The following RUNX1 variants were observed in gnomAD, a reference collection of about 807,000 sequenced individuals.
The protein encoded by RUNX1 is RUNX family transcription factor 1, also known as runt-related transcription factor 1.
Under a neutral mutation model 42.8 loss-of-function variants are expected in RUNX1, and 19 were observed. The observed-to-expected ratio is 0.44, with a 90% confidence interval of 0.31 to 0.65. The LOEUF (loss-of-function observed/expected upper bound fraction) is 0.65, where lower values mean the gene tolerates loss of function less well. RUNX1 is among the 30% of genes least tolerant of loss of function. The pLI is 0.07. For synonymous variants in RUNX1, 271 were observed against 289.4 expected (o/e 0.94, Z 0.64); for missense variants, 528 against 672.0 (o/e 0.79, Z 2.37).
intron 2 of RUNX1, among the ~76,000 whole-genome samples, chr21:34,966,279 T>C (rs2058717732): frequency 6.6e-6 from 1 of 152,196 alleles, no homozygotes; most frequent in African/African-American, 2.4e-5. Flanking sequence ...ATAATTAAAA[T>C]AATAATAAAT....
intron 7 of RUNX1, among the ~76,000 whole-genome samples, chr21:34,802,266 T>G (rs1344984476): frequency 6.6e-6 from 1 of 152,238 alleles, no homozygotes; most frequent in Admixed American, 6.5e-5. Flanking sequence ...GAGTTGCCTC[T>G]GATAAGTCAA....
chr21:34,911,261 T>C (rs1377798423), intron 2 of RUNX1, among the ~76,000 whole-genome samples: 2 of 152,094 alleles, frequency 1.3e-5, no homozygotes, highest in Non-Finnish European at 2.9e-5. Flanking sequence ...TAAAGGTTGA[T>C]GAAAATCAAT....
intron 2 of RUNX1, among the ~76,000 whole-genome samples, chr21:34,894,880 AAC>A (rs57230115): frequency 0.12 from 14,897 of 127,652 alleles, 794 homozygotes; most frequent in South Asian, 0.15. Flanking sequence ...CCTACATAGA[AAC>A]ACACACACAC....
intron 2 of RUNX1, among the ~76,000 whole-genome samples, chr21:34,968,485 C>T (rs1177765536): frequency 1.3e-5 from 2 of 152,160 alleles, no homozygotes; most frequent in Non-Finnish European, 2.9e-5. Flanking sequence ...TCCACATCCT[C>T]ATGAGGCAAA....
chr21:34,855,470 C>T (rs2057482664), intron 6 of RUNX1, among the ~76,000 whole-genome samples: 1 of 152,110 alleles, frequency 6.6e-6, no homozygotes, highest in Non-Finnish European at 1.5e-5. Context: ...TTTGGGAAGC[C>T]AAGGTGGGCA....
At chr21:34,953,386 C>T (rs894055650) in intron 2 of RUNX1, among the ~76,000 whole-genome samples, 6 of 152,178 alleles carry the variant, frequency 3.9e-5, no homozygotes, top group African/African-American at 1.4e-4. Flanking sequence ...CTTCTGCATG[C>T]AACCCCCAGG....
chr21:35,013,104 A>G (rs1212378311), intron 2 of RUNX1, among the ~76,000 whole-genome samples: 3 of 152,250 alleles, frequency 2.0e-5, no homozygotes, highest in Admixed American at 6.5e-5. Context: ...ATGTTATCGC[A>G]TGTATACAAA....
chr21:34,975,336 T>C (rs1005651019), intron 2 of RUNX1, among the ~76,000 whole-genome samples: 2 of 152,258 alleles, frequency 1.3e-5, no homozygotes, highest in African/African-American at 2.4e-5. Context: ...TAGATCTGTA[T>C]ATATGGATGG....
Position 34,845,374 on chromosome 21 carries a change from C to T in RUNX1, c.614-10773G>A, listed in dbSNP as rs921329065. The stretch of plus-strand genomic sequence containing the variant: ...TGGACGCCCAGGACAGCCTTCTGTC[C>T]GGCAACATTCCCCCTCCTCAATCCT... On this transcript the variant is annotated intron_variant, in intron 6 of 8. Transcript: ENST00000675419. Among the ~76,000 whole-genome samples, 6 of 152,196 alleles carry T rather than the reference C, an allele frequency of 3.9e-5. No individual in the cohort carries two copies. The East Asian group carries it at 5.8e-4, about 15-fold the overall frequency.
chr21:34,969,409 A>C (rs897492480), intron 2 of RUNX1, among the ~76,000 whole-genome samples: 2 of 152,154 alleles, frequency 1.3e-5, no homozygotes, highest in Admixed American at 6.5e-5. Context: ...GAAAAAAAAA[A>C]CACAGAAAAT....
At chr21:34,937,986 T>C (rs2058498862) in intron 2 of RUNX1, among the ~76,000 whole-genome samples, 1 of 152,230 alleles carries the variant, frequency 6.6e-6, no homozygotes, top group South Asian at 2.1e-4. Flanking sequence ...TCTTAGTTCA[T>C]TGAGGGCTTC....
chr21:34,808,106 A>T (rs2056706540), intron 7 of RUNX1, among the ~76,000 whole-genome samples: 1 of 152,204 alleles, frequency 6.6e-6, no homozygotes, highest in African/African-American at 2.4e-5. Context: ...AACATGAGTC[A>T]GTCAGCACCA....
Position 35,040,770 on chromosome 21 carries a change from C to CAAAAAAA in RUNX1, c.58+8071_58+8072insTTTTTTT, listed in dbSNP as rs1568808489. ...TGGTGACAGAGCTAGTAGACTCCAT[C>CAAAAAAA]CAAAAAAAAAAAAAAAAAAAAAAAC... On this transcript the variant is annotated intron_variant, in intron 2 of 8. Coordinates refer to ENST00000675419, the MANE Select transcript of RUNX1 (RefSeq NM_001754.5). 3.9e-5 allele frequency among the ~76,000 whole-genome samples: 2 copies of CAAAAAAA among 50,982 alleles called. 1 individual carries two copies. The highest frequency in any genetic ancestry group is 9.5e-5 in the Non-Finnish European group (2 of 21,020). 33.4% of individuals were successfully genotyped at this position (50,982 alleles called of 152,430 possible).
chr21:34,996,842 T>A (rs986583192), intron 2 of RUNX1, among the ~76,000 whole-genome samples: 2 of 152,034 alleles, frequency 1.3e-5, no homozygotes, highest in African/African-American at 4.8e-5. Flanking sequence ...TAAAAAAAAA[T>A]ACACACATAC....
At chr21:34,931,994 G>T (rs937793524) in intron 2 of RUNX1, among the ~76,000 whole-genome samples, 6 of 152,068 alleles carry the variant, frequency 3.9e-5, no homozygotes, top group African/African-American at 1.4e-4. Flanking sequence ...TATGTAAGAT[G>T]GACTGAAGTG....
At chr21:35,028,899 T>C (rs149227111) in intron 2 of RUNX1, among the ~76,000 whole-genome samples, 11 of 152,318 alleles carry the variant, frequency 7.2e-5, no homozygotes, top group African/African-American at 1.2e-4. Flanking sequence ...AGAATCTGGT[T>C]ATACAGTCAT....
intron 6 of RUNX1, among the ~76,000 whole-genome samples, chr21:34,854,310 C>G (rs1337779278): frequency 1.3e-5 from 2 of 152,116 alleles, no homozygotes; most frequent in African/African-American, 2.4e-5. Flanking sequence ...TTTGATCAAC[C>G]TATTTTAACT....
intron 5 of RUNX1, among the ~76,000 whole-genome samples, chr21:34,876,981 T>C (rs2057823369): frequency 6.6e-6 from 1 of 152,074 alleles, no homozygotes; most frequent in Non-Finnish European, 1.5e-5. Flanking sequence ...CTCATCCTCC[T>C]GAGTAGCTGG....
intron 2 of RUNX1, among the ~76,000 whole-genome samples, chr21:35,036,435 G>A (rs1219779344): frequency 2.0e-5 from 3 of 152,174 alleles, no homozygotes; most frequent in African/African-American, 7.2e-5. Flanking sequence ...GGCTTTGCGG[G>A]GAGAAAGTCA....
Sources: gnomAD v4.1 joint callset for allele counts (sites outside exome capture counted in the v4.1 genomes callset) on GRCh38, gnomAD v4.1.1 for gene constraint, MANE v1.5 for transcripts, NCBI Gene and HGNC (gene_info 2026-07-23, HGNC 2026-07-21) for gene names.